The following UBR3 variants were observed in gnomAD, a reference collection of about 807,000 sequenced individuals.
The protein encoded by UBR3 is E3 ubiquitin-protein ligase UBR3.
UBR3 carries 85 observed loss-of-function variants against 243.2 expected under a neutral mutation model. That is an observed-to-expected ratio of 0.35 (90% CI 0.29 to 0.42). UBR3 has a LOEUF of 0.42. Ranked by LOEUF, UBR3 falls within the 10% of genes least tolerant of loss-of-function variation. The pLI is 1.00. For synonymous variants in UBR3, 748 were observed against 799.8 expected, an observed-to-expected ratio of 0.94 and a Z score of 1.09; for missense variants, 1,686 against 2,300.8, an observed-to-expected ratio of 0.73 and a Z score of 5.47.
In UBR3 at chr2:170,082,710, T is replaced by TATG. The variant is rs1248955473; in HGVS notation, c.*870_*872dup. 3 of 152,474 alleles carry TATG rather than the reference T, an allele frequency of 2.0e-5. No individual in the cohort carries two copies. Among genetic ancestry groups the TATG allele is most frequent in the Non-Finnish European group, 4.4e-5 (3 of 68,030 alleles). 9.4% of individuals were successfully genotyped at this position (152,474 alleles called of 1,614,324 possible). A position where few individuals can be genotyped will look rare whatever the true frequency, so the allele number is the denominator to read the frequency against. ...TTATTACCAAACAAGGTTTTGTTTA[T>TATG]ATGATTGTATTAGAAATGCTCAGAC... On this transcript the variant is annotated 3_prime_UTR_variant, in exon 39 of 39. Coordinates refer to ENST00000272793, the MANE Select transcript of UBR3 (RefSeq NM_172070.4).
At chr2:169,897,088 A>T (rs2084619594) in intron 8 of UBR3, among the ~76,000 whole-genome samples, 1 of 152,104 alleles carries the variant, frequency 6.6e-6, no homozygotes, top group African/African-American at 2.4e-5. Context: ...AATACTTTTT[A>T]AAAAGTTGCC....
chr2:170,055,500 G>C lies in UBR3; in HGVS notation c.4701G>C (p.Leu1567=), dbSNP rs989141689. 1.2e-6 allele frequency: 2 copies of C among 1,613,584 alleles called. No individual in the cohort carries two copies. The highest frequency in any genetic ancestry group is 1.1e-5 in the South Asian group (1 of 91,054). ...TCIVKVLFTL[L]YTQALAALSV... The stretch of plus-strand genomic sequence containing the variant: ...TTGTGAAGGTACTTTTTACCCTACT[G>C]TACACACAGGCTCTTGCAGCACTCT... The change falls in exon 33 of 39, where the codon CTG becomes CTC. Residue 1567 remains leucine, a synonymous_variant. Coordinates refer to ENST00000272793, the MANE Select transcript of UBR3 (RefSeq NM_172070.4).
intron 11 of UBR3, among the ~76,000 whole-genome samples, chr2:169,921,904 T>A (rs973446738): frequency 6.6e-6 from 1 of 152,018 alleles, no homozygotes; most frequent in Non-Finnish European, 1.5e-5. Context: ...GGCAGGAGAA[T>A]TGCTTGAACC....
intron 10 of UBR3, among the ~76,000 whole-genome samples, chr2:169,908,358 C>G (rs1182278713): frequency 6.6e-6 from 1 of 152,148 alleles, no homozygotes; most frequent in East Asian, 1.9e-4. Flanking sequence ...AAAAAATTCT[C>G]AAGACTCAGA....
At chr2:169,939,727 C>G (rs1276476608) in intron 19 of UBR3, among the ~76,000 whole-genome samples, 1 of 151,784 alleles carries the variant, frequency 6.6e-6, no homozygotes, top group Non-Finnish European at 1.5e-5. Context: ...CCATGCTTGG[C>G]TAATTTTTGT....
chr2:170,056,932 T>A (rs1298837610), intron 33 of UBR3, among the ~76,000 whole-genome samples: 1 of 152,194 alleles, frequency 6.6e-6, no homozygotes, highest in Non-Finnish European at 1.5e-5. Context: ...CATAACTGTC[T>A]AAGCCTCAGC....
intron 8 of UBR3, among the ~76,000 whole-genome samples, chr2:169,900,710 A>C (rs1446269889): frequency 6.6e-6 from 1 of 150,918 alleles, no homozygotes; most frequent in African/African-American, 2.4e-5. Flanking sequence ...TTAAGGGAGA[A>C]TATTTGGGAA....
chr2:170,007,454 C>G (rs16857410), intron 28 of UBR3, among the ~76,000 whole-genome samples: 16,235 of 152,044 alleles, frequency 0.11, 1,154 homozygotes, highest in African/African-American at 0.2. Flanking sequence ...ATGGAGTTAG[C>G]CTCTTTTAAG....
At chr2:169,982,395 G>A (rs935692118) in intron 24 of UBR3, among the ~76,000 whole-genome samples, 4 of 151,782 alleles carry the variant, frequency 2.6e-5, no homozygotes, top group Non-Finnish European at 5.9e-5. Context: ...AAATATAAAG[G>A]TTAAGAAAGG....
At position 169,842,054 on chromosome 2, in the gene UBR3, C is replaced by T. The variant is rs564387775; in HGVS notation, c.545+14002C>T. On this transcript the variant is annotated intron_variant, in intron 1 of 38. Coordinates refer to ENST00000272793, the MANE Select transcript of UBR3 (RefSeq NM_172070.4). ...TCTAGCTCAGGGATTGTAAATACAC[C>T]AATCAGCACTCTGTGTTTAGCTCAA... 7.2e-5 allele frequency among the ~76,000 whole-genome samples: 11 copies of T among 152,320 alleles called. No homozygotes were observed. The South Asian group carries it at 1.0e-3, about 14-fold the overall frequency.
chr2:169,896,465 T>G, intron 7 of UBR3, 42 bp from the exon 8 acceptor site: 1 of 1,245,116 alleles, frequency 8.0e-7, no homozygotes, highest in Non-Finnish European at 1.1e-6. Flanking sequence ...AATTAAAAAT[T>G]AAAACTAATG....
At chr2:169,928,661 G>A in intron 17 of UBR3, 66 bp from the exon 18 acceptor site, 1 of 1,294,344 alleles carries the variant, frequency 7.7e-7, no homozygotes, top group South Asian at 2.0e-5. Flanking sequence ...AGAAACTAGA[G>A]TACCTTGGAA....
chr2:170,013,125 C>G (rs530986795), intron 29 of UBR3, among the ~76,000 whole-genome samples: 1 of 151,972 alleles, frequency 6.6e-6, no homozygotes, highest in African/African-American at 2.4e-5. Context: ...ACTTCCACTC[C>G]CAGCATATCT....
In UBR3 at chr2:169,827,721, G is replaced by A. The variant is rs1573984810; in HGVS notation, c.214G>A (p.Glu72Lys). 2 of 1,232,276 alleles carry A rather than the reference G, an allele frequency of 1.6e-6. No individual in the cohort carries two copies. Among genetic ancestry groups the A allele is most frequent in the Non-Finnish European group, 2.0e-6 (2 of 990,584 alleles). The allele number at this position is 1,232,276 out of a possible 1,614,324, so 76.3% of individuals were successfully genotyped here. A position where few individuals can be genotyped will look rare whatever the true frequency, so the allele number is the denominator to read the frequency against. ...GCCGCTGGCCGCGGCTGCCGGCGGCGAGGACGCGGCGGCGGCCGGAGGCGG... is the reference window on the plus strand; with the variant it reads ...GCCGCTGGCCGCGGCTGCCGGCGGCAAGGACGCGGCGGCGGCCGGAGGCGG... ...ERPLAAAAGG[E>K]DAAAAGGGGG... The change falls in exon 1 of 39, where the codon GAG becomes AAG. Residue 72 changes from glutamate to lysine, a missense_variant. Glu to Lys is a moderately conservative substitution (Grantham distance 56). Transcript: ENST00000272793.
intron 35 of UBR3, among the ~76,000 whole-genome samples, chr2:170,071,396 A>T (rs1361629822): frequency 6.6e-6 from 1 of 152,160 alleles, no homozygotes; most frequent in Non-Finnish European, 1.5e-5. Context: ...GGTACATAAG[A>T]TTACATCCTG....
At chr2:169,882,440 G>A (rs948146642) in intron 5 of UBR3, among the ~76,000 whole-genome samples, 1 of 147,434 alleles carries the variant, frequency 6.8e-6, no homozygotes, top group African/African-American at 2.5e-5. Flanking sequence ...AACTTGTCAA[G>A]TCTTGAGTTA....
chr2:169,991,926 T>TA (rs2089292745), intron 25 of UBR3, among the ~76,000 whole-genome samples: 1 of 151,980 alleles, frequency 6.6e-6, no homozygotes, highest in Admixed American at 6.6e-5. Context: ...AAGAATAAAT[T>TA]ACAAATGAAA....
chr2:170,040,936 A>T lies in UBR3; in HGVS notation c.4611A>T (p.Thr1537=), dbSNP rs753996256. The change falls in exon 32 of 39, where the codon ACA becomes ACT. Residue 1537 remains threonine (T), a synonymous_variant. Coordinates refer to ENST00000272793, the MANE Select transcript of UBR3 (RefSeq NM_172070.4). ...TTCCAATTCTTTATCATGATGTAAC[A>T]TCCCTTTTGCTCATCCAGATCTTAA... is the stretch of plus-strand genomic sequence containing the variant. The part of the protein sequence containing the change: ...PEVPILYHDV[T]SLLLIQILMM... The T allele has an allele frequency of 2.5e-6, 4 of 1,613,574 alleles. No individual in the cohort carries two copies. The highest frequency in any genetic ancestry group is 2.2e-5 in the South Asian group (2 of 91,068).
intron 25 of UBR3, among the ~76,000 whole-genome samples, chr2:169,990,751 A>ACACGCAC (rs2089241018): frequency 6.6e-6 from 1 of 151,498 alleles, no homozygotes. Context: ...ACACACACAT[A>ACACGCAC]AAAGAAAAGA....
Sources: gnomAD v4.1 joint callset for allele counts (sites outside exome capture counted in the v4.1 genomes callset) on GRCh38, gnomAD v4.1.1 for gene constraint, MANE v1.5 for transcripts, NCBI Gene and HGNC (gene_info 2026-07-23, HGNC 2026-07-21) for gene names.